Variants in PCYT1B observed in about 807,000 individuals in gnomAD.
The protein encoded by PCYT1B is choline-phosphate cytidylyltransferase B.
In PCYT1B, 10 loss-of-function variants were observed where a neutral mutation model predicts 26.4. The observed-to-expected ratio is 0.38, with a 90% CI of 0.23 to 0.64. The LOEUF (loss-of-function observed/expected upper bound fraction) is 0.64. Among genes scored for constraint, PCYT1B ranks in the 30% least tolerant of loss-of-function variants. The pLI, the probability that PCYT1B is intolerant of heterozygous loss-of-function variation, is 0.56. For missense variants in PCYT1B, 161 were observed against 292.7 expected, an observed-to-expected ratio of 0.55 and a Z score of 3.28; for synonymous variants, 131 against 108.4, an observed-to-expected ratio of 1.21 and a Z score of -1.29.
intron 1 of PCYT1B, among the ~76,000 whole-genome samples, chrX:24,659,536 A>G (rs774027843): frequency 2.7e-5 from 3 of 112,005 alleles, no homozygotes; most frequent in South Asian, 3.8e-4. Flanking sequence ...CTTGACAAAG[A>G]GTGTCTAACA....
intron 1 of PCYT1B, among the ~76,000 whole-genome samples, chrX:24,624,881 C>T (rs751932357): frequency 8.9e-6 from 1 of 112,426 alleles, no homozygotes; most frequent in South Asian, 3.7e-4. Flanking sequence ...TAAACCCTGC[C>T]CATACCTTTG....
In PCYT1B at chrX:24,575,336, G is replaced by GAA. The variant is rs3833417; in HGVS notation, c.709-20_709-19dup. ...CTCTTCTCCTGGTGAAAGTTTACAG[G>GAA]AAAAAAAAAAACAGATTTATCCAAG... On this transcript the variant is annotated intron_variant, in intron 6 of 7. Transcript: ENST00000379144. The GAA allele has an allele frequency of 2.0e-5, 18 of 914,200 alleles. No homozygotes were observed. Among genetic ancestry groups the GAA allele is most frequent in the African/African-American group, 6.2e-5 (3 of 48,728 alleles). The allele number at this position is 914,200 out of a possible 1,213,427, so 75.3% of individuals were successfully genotyped here.
In PCYT1B at chrX:24,558,871, G is replaced by A. The variant is rs1923263242; in HGVS notation, c.*3422C>T. ...GGAGGGGTGACCAGTTCATTTTAGGGTCCCCATAAGCAGCTAATATAGAAG... is the reference window on the plus strand; with the variant it reads ...GGAGGGGTGACCAGTTCATTTTAGGATCCCCATAAGCAGCTAATATAGAAG... On this transcript the variant is annotated 3_prime_UTR_variant, in exon 8 of 8. Transcript: ENST00000379144. 2 of 109,915 alleles carry A rather than the reference G, an allele frequency of 1.8e-5. No homozygotes were observed. The highest frequency in any genetic ancestry group is 6.6e-5 in the African/African-American group (2 of 30,194). 9.1% of individuals were successfully genotyped at this position (109,915 alleles called of 1,213,427 possible).
Position 24,619,036 on chromosome X carries a change from G to C in PCYT1B, c.166C>G (p.Gln56Glu), listed in dbSNP as rs1443524344. 1.7e-6 allele frequency: 2 copies of C among 1,188,970 alleles called. No homozygotes were observed. Among genetic ancestry groups the C allele is most frequent in the Non-Finnish European group, 2.3e-6 (2 of 882,412 alleles). The change falls in exon 2 of 8, where the codon CAA becomes GAA. Residue 56 changes from glutamine to glutamate, a missense_variant. Gln to Glu is a conservative substitution (Grantham distance 29). This residue lies in a region of PCYT1B where 51 missense variants were observed against 51.0 expected (regional missense o/e 1.00). Transcript: ENST00000379144. ...PFADETNCQC[Q>E]APHEKLTIAQ... ...ATGGTCAGTTTTTCATGGGGTGCTT[G>C]ACACTGGCAGTTGGTTTCATCAGCA... is the stretch of plus-strand genomic sequence containing the variant.
chrX:24,631,494 C>T (rs1237860855), intron 1 of PCYT1B, among the ~76,000 whole-genome samples: 3 of 110,810 alleles, frequency 2.7e-5, no homozygotes, highest in East Asian at 2.8e-4. Flanking sequence ...TCATTTTGTT[C>T]GATGACCTTT....
In PCYT1B at chrX:24,666,636, T is replaced by A. The variant is rs779453716; in HGVS notation, c.63+5934A>T. On this transcript the variant is annotated intron_variant, in intron 1 of 7. Transcript: ENST00000379145. Reference sequence around the variant, plus strand: ...GTGTGTGTGTGTGTGTGTGTGTGTGTGAGAGCGAGAGAGAGAGAGAGAATT... The same window carrying A: ...GTGTGTGTGTGTGTGTGTGTGTGTGAGAGAGCGAGAGAGAGAGAGAGAATT... 1.7e-3 allele frequency among the ~76,000 whole-genome samples: 172 copies of A among 100,283 alleles called. 1 individual carries two copies. In the East Asian group the frequency reaches 0.031, roughly 18 times the overall value. The allele number at this position is 100,283 out of a possible 115,157, so 87.1% of individuals were successfully genotyped here. A position where few individuals can be genotyped will look rare whatever the true frequency, so the allele number is the denominator to read the frequency against.
At chrX:24,641,288 G>T (rs751626325) in intron 1 of PCYT1B, among the ~76,000 whole-genome samples, 23 of 111,571 alleles carry the variant, frequency 2.1e-4, no homozygotes, top group Non-Finnish European at 3.8e-4. Flanking sequence ...AAATCTTGGG[G>T]CATTTATCTC....
At chrX:24,590,672 C>T (rs990268741) in intron 3 of PCYT1B, among the ~76,000 whole-genome samples, 2 of 110,587 alleles carry the variant, frequency 1.8e-5, no homozygotes, top group Non-Finnish European at 3.8e-5. Flanking sequence ...CACACAAATA[C>T]ATATACTTCT....
chrX:24,594,551 C>T (rs771641942), intron 3 of PCYT1B, among the ~76,000 whole-genome samples: 1 of 111,587 alleles, frequency 9.0e-6, no homozygotes, highest in Non-Finnish European at 1.9e-5. Context: ...TCTACATGAC[C>T]GAGATAATGG....
chrX:24,574,839 T>C (rs1017937355), intron 7 of PCYT1B, among the ~76,000 whole-genome samples: 1 of 112,279 alleles, frequency 8.9e-6, no homozygotes, highest in African/African-American at 3.2e-5. Flanking sequence ...AGCGACAGCA[T>C]CAACTCCTGA....
chrX:24,598,244 A>C (rs1258523746), intron 3 of PCYT1B, among the ~76,000 whole-genome samples: 1 of 111,802 alleles, frequency 8.9e-6, no homozygotes, highest in Non-Finnish European at 1.9e-5. Flanking sequence ...TATTTATTCT[A>C]TTTACAGGTC....
chrX:24,595,795 C>T (rs769263606), intron 3 of PCYT1B, among the ~76,000 whole-genome samples: 316 of 108,477 alleles, frequency 2.9e-3, no homozygotes, highest in African/African-American at 0.01. Context: ...GCAGGAGAAT[C>T]GCTTGAGCCT....
chrX:24,648,225 CA>C (rs1926688338), upstream of PCYT1B, among the ~76,000 whole-genome samples: 1 of 110,920 alleles, frequency 9.0e-6, no homozygotes, highest in South Asian at 3.8e-4. Flanking sequence ...GACACACATC[CA>C]AAGAACTTAC....
At chrX:24,672,471 G>T in intron 1 of PCYT1B, 1 of 574,139 alleles carries the variant, frequency 1.7e-6, no homozygotes, top group Non-Finnish European at 2.9e-6. Context: ...CTATTAATTA[G>T]CACAGATTCA....
intron 1 of PCYT1B, among the ~76,000 whole-genome samples, chrX:24,657,204 G>C (rs1319074985): frequency 8.9e-6 from 1 of 111,838 alleles, no homozygotes. Flanking sequence ...CACACATGTA[G>C]TGCAGTTTAA....
At chrX:24,621,017 C>G (rs1863909752) in intron 1 of PCYT1B, among the ~76,000 whole-genome samples, 1 of 112,246 alleles carries the variant, frequency 8.9e-6, no homozygotes, top group African/African-American at 3.2e-5. Flanking sequence ...TAGACTCCTA[C>G]CAACTTATTG....
intron 1 of PCYT1B, among the ~76,000 whole-genome samples, chrX:24,630,373 G>A (rs1926032705): frequency 2.7e-5 from 3 of 111,451 alleles, no homozygotes; most frequent in Admixed American, 9.6e-5. Context: ...TCAGCTCACT[G>A]CAACCTCCAC....
At chrX:24,562,787 G>T (rs1270416967) in intron 7 of PCYT1B, among the ~76,000 whole-genome samples, 6 of 107,347 alleles carry the variant, frequency 5.6e-5, no homozygotes, top group Non-Finnish European at 1.2e-4. Context: ...GAGTGCAGTG[G>T]CATGATCTTG....
chrX:24,610,920 C>T, intron 2 of PCYT1B, among the ~76,000 whole-genome samples: 1 of 111,944 alleles, frequency 8.9e-6, no homozygotes, highest in African/African-American at 3.2e-5. Flanking sequence ...TATCAACCTA[C>T]TGTAAAGTAT....
Sources: allele counts gnomAD v4.1 joint callset (sites outside exome capture counted in the v4.1 genomes callset), GRCh38; gene constraint gnomAD v4.1.1; regional missense constraint gnomAD v4.1.1; transcripts MANE v1.5; gene names NCBI Gene and HGNC (gene_info 2026-07-23, HGNC 2026-07-21).